DOCK8: variants seen among roughly 807,000 people sequenced by gnomAD.
DOCK8 encodes the protein dedicator of cytokinesis protein 8.
DOCK8 carries 141 observed loss-of-function variants against 245.6 expected under a neutral mutation model. That is an observed-to-expected ratio of 0.57 (90% confidence interval 0.50 to 0.66). DOCK8 has a LOEUF of 0.66. DOCK8 is among the 30% of genes least tolerant of loss of function. The pLI, the probability that DOCK8 is intolerant of heterozygous loss-of-function variation, is 0.00. For missense variants in DOCK8, 2,965 were observed against 2,603.4 expected, an observed-to-expected ratio of 1.14 and a Z score of -3.02; for synonymous variants, 1,168 against 970.2, an observed-to-expected ratio of 1.20 and a Z score of -3.79.
Position 407,007 on chromosome 9 carries a change from G to A in DOCK8, c.3468G>A (p.Gln1156=). The change falls in exon 28 of 48, where the codon CAG becomes CAA. Residue 1156 remains glutamine, a synonymous_variant. Coordinates refer to ENST00000432829, the MANE Select transcript of DOCK8 (RefSeq NM_203447.4). The stretch of plus-strand genomic sequence containing the variant: ...ATCTGACTTCCGAGTACCGCCAGCA[G>A]CACTTCCTCACCGGGCTCCTCTTCA... ...MFDLTSEYRQ[Q]HFLTGLLFTE... is the part of the protein sequence containing the mutation. 6.2e-7 allele frequency: 1 copy of A among 1,614,156 alleles called. No homozygotes were observed. Among genetic ancestry groups the A allele is most frequent in the East Asian group, 2.2e-5 (1 of 44,880 alleles).
rs994319474 is a variant in DOCK8 at position 439,305 on chromosome 9, G to A, written c.5140G>A (p.Glu1714Lys). Residue 1714 changes from glutamate to lysine, a missense_variant, in exon 40 of 48, where the codon GAG becomes AAG. Glu to Lys is a moderately conservative substitution (Grantham distance 56). Transcript: ENST00000432829. ...CTCTGAGGACACCCTGTCACCTGAC[G>A]AGGATGGGGTGTGCGCAGGCCAGTA... ...VVSEDTLSPD[E>K]DGVCAGQYFT... 1 of 1,614,184 alleles carries A rather than the reference G, an allele frequency of 6.2e-7. No individual in the cohort carries two copies. Among genetic ancestry groups the A allele is most frequent in the Non-Finnish European group, 8.5e-7 (1 of 1,180,036 alleles).
intron 4 of DOCK8, among the ~76,000 whole-genome samples, chr9:297,308 G>T (rs1442767244): frequency 6.6e-6 from 1 of 152,200 alleles, no homozygotes; most frequent in Non-Finnish European, 1.5e-5. Context: ...TAAGGAGCCA[G>T]CGTCTGCACC....
Position 418,357 on chromosome 9 carries a change from C to T in DOCK8, c.3840+150C>T, listed in dbSNP as rs12350034. ...CGCAATCTCAGTTCACTGCAACCTC[C>T]GCCTCCCGGGTTCTTCATGCCTCAG... is the stretch of plus-strand genomic sequence containing the variant. On this transcript the variant is annotated intron_variant, in intron 30 of 47. Transcript: ENST00000432829. 1.1e-3 allele frequency: 1,207 copies of T among 1,090,424 alleles called. 8 individuals carry two copies. The African/African-American group carries it at 0.013, about 12-fold the overall frequency. The allele number at this position is 1,090,424 out of a possible 1,614,324, so 67.5% of individuals were successfully genotyped here.
chr9:376,325 A>C lies in DOCK8; in HGVS notation c.2205+20A>C. 6.5e-7 allele frequency: 1 copy of C among 1,547,826 alleles called. No homozygotes were observed. ...ACCCAGGTAAGGAATGTCAAGGTTA[A>C]TCATGAAGGTAAAGGTGCAGCGGAG... On this transcript the variant is annotated intron_variant, in intron 19 of 47. Coordinates refer to ENST00000432829, the MANE Select transcript of DOCK8 (RefSeq NM_203447.4).
chr9:296,335 T>G (rs931071098), intron 4 of DOCK8, among the ~76,000 whole-genome samples: 10 of 152,228 alleles, frequency 6.6e-5, no homozygotes, highest in African/African-American at 2.4e-4. Context: ...GGGATAAACT[T>G]CAGAATGTTT....
intron 9 of DOCK8, among the ~76,000 whole-genome samples, chr9:331,893 G>T (rs1020930161): frequency 1.3e-5 from 2 of 152,094 alleles, no homozygotes; most frequent in Non-Finnish European, 2.9e-5. Context: ...TAATTTATTC[G>T]GTTCAGTCAT....
chr9:426,926 A>T lies in DOCK8; in HGVS notation c.4283A>T (p.Asn1428Ile), dbSNP rs150057289. 2.2e-5 allele frequency: 35 copies of T among 1,614,078 alleles called. 1 individual carries two copies. The Middle Eastern group carries it at 6.6e-4, about 30-fold the overall frequency. Reference protein sequence around the residue: ...ELDQEALISGNLATEAHLIIL... With the variant: ...ELDQEALISGILATEAHLIIL... ...GATCAAGAAGCCTTGATCAGTGGCA[A>T]TCTGGCTACAGAAGCACATTTAATC... Residue 1428 changes from asparagine (N) to isoleucine (I), a missense_variant, in exon 34 of 48, where the codon AAT becomes ATT. By Grantham distance (149) the Asn-to-Ile change is moderately radical. Coordinates refer to ENST00000432829, the MANE Select transcript of DOCK8 (RefSeq NM_203447.4).
At chr9:235,780 C>T (rs983983355) in intron 1 of DOCK8, among the ~76,000 whole-genome samples, 3 of 152,128 alleles carry the variant, frequency 2.0e-5, no homozygotes, top group Admixed American at 6.5e-5. Context: ...GGGAGTGACC[C>T]GATTTTCCGG....
rs1161606971 is a variant in DOCK8, at chr9:347,274, C to T, written c.1679+6953C>T. ...ATCCCAGCACTTTGGGAGGCCGAGG[C>T]GGGAGGATCCATTGAGCCCAGGAGT... is the stretch of plus-strand genomic sequence containing the variant. On this transcript the variant is annotated intron_variant, in intron 14 of 47. Transcript: ENST00000432829. Among the ~76,000 whole-genome samples, 5 of 152,008 alleles carry T rather than the reference C, an allele frequency of 3.3e-5. No homozygotes were observed. The South Asian group carries it at 6.2e-4, about 19-fold the overall frequency.
intron 43 of DOCK8, among the ~76,000 whole-genome samples, chr9:444,467 G>A (rs78052481): frequency 0.017 from 2,564 of 152,048 alleles, 29 homozygotes; most frequent in Non-Finnish European, 0.025. Flanking sequence ...ATGATAAAGG[G>A]TGAACATCTT....
chr9:257,139 A>G (rs1288307922), intron 1 of DOCK8, among the ~76,000 whole-genome samples: 1 of 152,228 alleles, frequency 6.6e-6, no homozygotes, highest in Non-Finnish European at 1.5e-5. Context: ...CCTCCAAACT[A>G]AAATAAATTT....
chr9:417,938 A>T, intron 29 of DOCK8, 130 bp from the exon 30 acceptor site: 2 of 1,134,080 alleles, frequency 1.8e-6, no homozygotes, highest in Non-Finnish European at 2.6e-6. Flanking sequence ...GCAGATACAT[A>T]ATGCTAAACA....
intron 46 of DOCK8, among the ~76,000 whole-genome samples, chr9:459,169 A>G (rs2057730862): frequency 6.6e-6 from 1 of 152,182 alleles, no homozygotes; most frequent in Non-Finnish European, 1.5e-5. Flanking sequence ...AGATAAGACC[A>G]TTTTTGAAAA....
Position 375,717 on chromosome 9 carries a change from C to T in DOCK8, c.2110-493C>T, listed in dbSNP as rs1053592106. Among the ~76,000 whole-genome samples the T allele has an allele frequency of 9.2e-5, 14 of 152,262 alleles. No individual in the cohort carries two copies. In the East Asian group the frequency reaches 2.7e-3, roughly 29 times the overall value. On this transcript the variant is annotated intron_variant, in intron 18 of 47. Transcript: ENST00000432829. ...CTAAGTAAAAATAACTAGTTTGAAG[C>T]GGGGCACAGTGGCTCACACCTGTAA...
chr9:269,473 T>C (rs191183617), intron 1 of DOCK8, among the ~76,000 whole-genome samples: 1 of 152,132 alleles, frequency 6.6e-6, no homozygotes, highest in Admixed American at 6.5e-5. Context: ...GACGTTTGGA[T>C]TTTTTCCATT....
At chr9:434,038 T>C (rs1374756105) in intron 38 of DOCK8, 63 bp downstream of exon 38, 14 of 1,143,804 alleles carry the variant, frequency 1.2e-5, no homozygotes, top group Non-Finnish European at 1.9e-5. Context: ...CACTGTGGAG[T>C]TCTTACTAAT....
intron 1 of DOCK8, among the ~76,000 whole-genome samples, chr9:255,752 A>C (rs2047758128): frequency 6.6e-6 from 1 of 151,292 alleles, no homozygotes; most frequent in Admixed American, 6.6e-5. Context: ...GTCTCTTATC[A>C]TTTCTTCATA....
chr9:445,365 C>G (rs531230079), intron 43 of DOCK8, among the ~76,000 whole-genome samples: 13 of 152,362 alleles, frequency 8.5e-5, no homozygotes, highest in African/African-American at 2.6e-4. Context: ...TGACCCCACT[C>G]ATCCCTTTCA....
chr9:304,387 T>A (rs980582298), intron 4 of DOCK8, among the ~76,000 whole-genome samples, 194 bp from the exon 5 acceptor site: 2 of 152,190 alleles, frequency 1.3e-5, no homozygotes, highest in African/African-American at 4.8e-5. Context: ...AGGGGGTAAA[T>A]TTGTATCTCA....
Sources: gnomAD v4.1 joint callset for allele counts (sites outside exome capture counted in the v4.1 genomes callset) on GRCh38, gnomAD v4.1.1 for gene constraint, MANE v1.5 for transcripts, NCBI Gene and HGNC (gene_info 2026-07-23, HGNC 2026-07-21) for gene names.